The following RNF220 variants were observed in gnomAD, a reference collection of about 807,000 sequenced individuals.
RNF220 encodes ring finger protein 220.
RNF220 carries 7 observed loss-of-function variants against 67.1 expected under a neutral mutation model. The observed-to-expected ratio is 0.10, with a 90% confidence interval of 0.06 to 0.20. RNF220 has a LOEUF of 0.20. Among genes scored for constraint, RNF220 ranks in the 10% least tolerant of loss-of-function variants. The probability of loss-of-function intolerance (pLI) is 1.00; values close to 1 mark genes in which losing one functional copy is unlikely to be tolerated. For synonymous variants in RNF220, 270 were observed against 283.2 expected (o/e 0.95, Z 0.47); for missense variants, 565 against 740.3 (o/e 0.76, Z 2.75).
At chr1:44,446,294 C>T (rs1652075550) in intron 2 of RNF220, among the ~76,000 whole-genome samples, 1 of 152,140 alleles carries the variant, frequency 6.6e-6, no homozygotes, top group Non-Finnish European at 1.5e-5. Flanking sequence ...GTGGGGAAAG[C>T]CTAACTTGTC....
intron 2 of RNF220, among the ~76,000 whole-genome samples, chr1:44,433,570 A>G (rs971249331): frequency 3.9e-5 from 6 of 152,260 alleles, no homozygotes; most frequent in Non-Finnish European, 8.8e-5. Flanking sequence ...TTTAAGTTTT[A>G]AAACAGTGAA....
intron 2 of RNF220, among the ~76,000 whole-genome samples, chr1:44,480,109 TA>T (rs1655658694): frequency 1.3e-5 from 2 of 152,166 alleles, no homozygotes; most frequent in African/African-American, 4.8e-5. Flanking sequence ...CCTTGCTATT[TA>T]AAATGACTGC....
chr1:44,446,896 G>C (rs1035015476), intron 2 of RNF220, among the ~76,000 whole-genome samples: 1 of 152,158 alleles, frequency 6.6e-6, no homozygotes, highest in Non-Finnish European at 1.5e-5. Context: ...AAGGCATAAT[G>C]GGTGAAGTTA....
chr1:44,645,128 G>T lies in RNF220; in HGVS notation c.1310+47G>T. The T allele has an allele frequency of 6.2e-7, 1 of 1,612,574 alleles. No individual in the cohort carries two copies. The highest frequency in any genetic ancestry group is 8.5e-7 in the Non-Finnish European group (1 of 1,178,596). The stretch of plus-strand genomic sequence containing the variant: ...GGCGGGTGGAGCAGAGAAACAGGAA[G>T]CCCTGAGGCAGGGGTTAACGCAGTA... On this transcript the variant is annotated intron_variant, in intron 10 of 14. Transcript: ENST00000361799. This position sits in a 1 kb window ranked among gnomAD's most constrained non-coding sequence, Gnocchi z 5.0.
In RNF220 at chr1:44,412,816, A is replaced by G. The variant is rs1648108044; in HGVS notation, c.625+94A>G. ...CGGTGGCGTTTTGCATGCTCCTAGT[A>G]ATAGGAAGGGCCAACTACTTCCCTT... On this transcript the variant is annotated intron_variant, in intron 2 of 14. Coordinates refer to ENST00000361799, the MANE Select transcript of RNF220 (RefSeq NM_018150.4). The surrounding 1 kb of genome is among the most constrained non-coding windows in gnomAD (Gnocchi z 5.3). The G allele has an allele frequency of 2.1e-6, 3 of 1,423,426 alleles. No homozygotes were observed. The highest frequency in any genetic ancestry group is 2.9e-5 in the African/African-American group (2 of 69,796). The allele number at this position is 1,423,426 out of a possible 1,614,324, so 88.2% of individuals were successfully genotyped here.
chr1:44,589,783 G>A (rs980757200), intron 2 of RNF220, among the ~76,000 whole-genome samples: 12 of 152,060 alleles, frequency 7.9e-5, no homozygotes, highest in Non-Finnish European at 7.4e-5. Context: ...TTATATTTCT[G>A]TCTCTACCAA....
intron 2 of RNF220, among the ~76,000 whole-genome samples, chr1:44,523,025 G>C (rs1250141958): frequency 6.6e-6 from 1 of 152,244 alleles, no homozygotes; most frequent in Non-Finnish European, 1.5e-5. Flanking sequence ...AGGAAGGCGA[G>C]AGATGGGGAA....
chr1:44,529,088 C>T (rs1341119478), intron 2 of RNF220, among the ~76,000 whole-genome samples: 2 of 152,072 alleles, frequency 1.3e-5, no homozygotes, highest in Admixed American at 1.3e-4. Context: ...TAATTCCCTT[C>T]TTGGAATTTA....
chr1:44,509,549 CAA>C (rs11322224), intron 2 of RNF220, among the ~76,000 whole-genome samples: 26,283 of 124,834 alleles, frequency 0.21, 2,505 homozygotes, highest in African/African-American at 0.27. Flanking sequence ...GACTCTGTCT[CAA>C]AAAAAAAAAA....
chr1:44,543,030 C>T (rs982437917), intron 2 of RNF220, among the ~76,000 whole-genome samples: 3 of 152,162 alleles, frequency 2.0e-5, no homozygotes, highest in African/African-American at 4.8e-5. Flanking sequence ...CGCCTGCCAC[C>T]GGCTGGCCAA....
At chr1:44,589,926 T>C (rs1665995993) in intron 2 of RNF220, among the ~76,000 whole-genome samples, 1 of 152,110 alleles carries the variant, frequency 6.6e-6, no homozygotes, top group African/African-American at 2.4e-5. Context: ...TCAGCTGGTT[T>C]AAGTTAAGGC....
intron 2 of RNF220, among the ~76,000 whole-genome samples, chr1:44,487,696 T>TAATAATAAC (rs1656439901): frequency 1.4e-5 from 2 of 140,066 alleles, no homozygotes; most frequent in African/African-American, 5.1e-5. Flanking sequence ...ATAATAATAA[T>TAATAATAAC]AATAATAATA....
rs41269063 is a variant in RNF220, at chr1:44,649,454, A to G, written c.1446-207A>G. On this transcript the variant is annotated intron_variant, in intron 12 of 14. Transcript: ENST00000361799. This position sits in a 1 kb window ranked among gnomAD's most constrained non-coding sequence, Gnocchi z 5.9. The stretch of plus-strand genomic sequence containing the variant: ...TCCCTGGTATCTGGTGTAGAAATTC[A>G]TCCGAATGGGAATGGAGGAATAGAG... The G allele has an allele frequency of 6.7e-6, 4 of 594,954 alleles. No individual in the cohort carries two copies. Among genetic ancestry groups the G allele is most frequent in the Admixed American group, 3.0e-5 (1 of 33,544 alleles). 36.9% of individuals were successfully genotyped at this position (594,954 alleles called of 1,614,324 possible). A position where few individuals can be genotyped will look rare whatever the true frequency, so the allele number is the denominator to read the frequency against.
intron 2 of RNF220, among the ~76,000 whole-genome samples, chr1:44,533,746 A>G (rs1273814566): frequency 6.6e-6 from 1 of 152,254 alleles, no homozygotes; most frequent in African/African-American, 2.4e-5. Flanking sequence ...AGGCTTCTGC[A>G]GGAGATAGCA....
At chr1:44,623,891 G>C (rs537932383) in intron 4 of RNF220, among the ~76,000 whole-genome samples, 1 of 152,308 alleles carries the variant, frequency 6.6e-6, no homozygotes, top group East Asian at 1.9e-4. Flanking sequence ...CTGGAGAAGG[G>C]GCCCGTTGTA....
Position 44,644,981 on chromosome 1 carries a change from G to T in RNF220, c.1224-14G>T. On this transcript the variant is annotated splice_polypyrimidine_tract_variant and intron_variant, in intron 9 of 14. Transcript: ENST00000361799. The stretch of plus-strand genomic sequence containing the variant: ...CTGCAAACTAGGATCCATTGTCCTT[G>T]ACCACCATGCCAGATACACAGAGGC... 1 of 1,613,508 alleles carries T rather than the reference G, an allele frequency of 6.2e-7. No homozygotes were observed. Among genetic ancestry groups the T allele is most frequent in the South Asian group, 1.1e-5 (1 of 90,928 alleles).
chr1:44,526,113 T>G (rs1415330803), intron 2 of RNF220, among the ~76,000 whole-genome samples: 3 of 152,200 alleles, frequency 2.0e-5, no homozygotes, highest in Admixed American at 2.0e-4. Context: ...TCCCACCTGT[T>G]TGCCTACCTC....
intron 2 of RNF220, among the ~76,000 whole-genome samples, chr1:44,472,515 T>G (rs1459206207): frequency 1.3e-5 from 2 of 152,240 alleles, no homozygotes; most frequent in African/African-American, 4.8e-5. Flanking sequence ...CTTTTCATTT[T>G]GGGGCCGTTT....
chr1:44,559,406 C>T (rs1437117803), intron 2 of RNF220, among the ~76,000 whole-genome samples: 2 of 152,242 alleles, frequency 1.3e-5, no homozygotes, highest in Admixed American at 1.3e-4. Context: ...AGGCCCTGAA[C>T]AGATAAGTGA....
Sources: gnomAD v4.1 joint callset for allele counts (sites outside exome capture counted in the v4.1 genomes callset) on GRCh38, gnomAD v4.1.1 for gene constraint, Gnocchi (gnomAD v3.1) non-coding constraint, MANE v1.5 for transcripts, NCBI Gene and HGNC (gene_info 2026-07-23, HGNC 2026-07-21) for gene names.